The following DPY19L3 variants were observed in gnomAD, a reference collection of about 807,000 sequenced individuals.
DPY19L3 encodes dpy-19 like C-mannosyltransferase 3.
Under a neutral mutation model 92.3 loss-of-function variants are expected in DPY19L3, and 51 were observed. That is an observed-to-expected ratio of 0.55 (90% CI 0.44 to 0.70). DPY19L3 has a LOEUF of 0.70. Among genes scored for constraint, DPY19L3 ranks in the 30% least tolerant of loss-of-function variants. The pLI, the probability that DPY19L3 is intolerant of heterozygous loss-of-function variation, is 0.00. For missense variants in DPY19L3, 706 were observed against 855.9 expected (o/e 0.82, Z 2.18); for synonymous variants, 309 against 315.2 (o/e 0.98, Z 0.21).
chr19:32,408,175 G>A, intron 1 of DPY19L3, 42 bp from the exon 2 acceptor site: 2 of 987,456 alleles, frequency 2.0e-6, no homozygotes, highest in South Asian at 1.4e-5. Flanking sequence ...GGTGTGTTGG[G>A]GAGAAGGCAC....
chr19:32,473,578 A>G (rs1397042950), intron 16 of DPY19L3, among the ~76,000 whole-genome samples: 1 of 152,186 alleles, frequency 6.6e-6, no homozygotes, highest in Non-Finnish European at 1.5e-5. Flanking sequence ...GTATCTTTTT[A>G]AGTTTAGAAA....
chr19:32,419,690 T>C (rs1968499940), intron 3 of DPY19L3, among the ~76,000 whole-genome samples: 2 of 152,148 alleles, frequency 1.3e-5, no homozygotes. Context: ...CACCTGGGCC[T>C]CCCAAAGTTC....
Position 32,408,204 on chromosome 19 carries a change from T to A in DPY19L3, c.-37-13T>A. 1 of 1,377,322 alleles carries A rather than the reference T, an allele frequency of 7.3e-7. No homozygotes were observed. The highest frequency in any genetic ancestry group is 1.0e-6 in the Non-Finnish European group (1 of 973,810). The allele number at this position is 1,377,322 out of a possible 1,614,324, so 85.3% of individuals were successfully genotyped here. A position where few individuals can be genotyped will look rare whatever the true frequency, so the allele number is the denominator to read the frequency against. On this transcript the variant is annotated splice_polypyrimidine_tract_variant and intron_variant, in intron 1 of 18. Transcript: ENST00000392250. ...AAGGCACTGACGTTGATGGCCTGTT[T>A]ATTGCTATCTAGGAGTGATTTGGAG...
chr19:32,472,229 G>A, intron 16 of DPY19L3, among the ~76,000 whole-genome samples: 1 of 152,298 alleles, frequency 6.6e-6, no homozygotes, highest in African/African-American at 2.4e-5. Flanking sequence ...AGAGATTGAA[G>A]CTTCAGTATG....
chr19:32,423,422 G>GTTTTTTTTT (rs1599601418), intron 3 of DPY19L3, among the ~76,000 whole-genome samples: 7 of 48,486 alleles, frequency 1.4e-4, no homozygotes, highest in African/African-American at 4.6e-4. Context: ...TTTTTTTTTG[G>GTTTTTTTTT]TATTTTTAGT....
chr19:32,454,165 A>G (rs1279119413), intron 9 of DPY19L3, among the ~76,000 whole-genome samples: 1 of 152,232 alleles, frequency 6.6e-6, no homozygotes, highest in Non-Finnish European at 1.5e-5. Context: ...TAAAATTATC[A>G]AGATTATAAG....
At chr19:32,432,371 C>T (rs1162259410) in intron 3 of DPY19L3, among the ~76,000 whole-genome samples, 1 of 151,940 alleles carries the variant, frequency 6.6e-6, no homozygotes, top group Non-Finnish European at 1.5e-5. Context: ...ATATTGGTAG[C>T]TTTTAGGTAG....
At chr19:32,429,268 T>C (rs8101911) in intron 3 of DPY19L3, among the ~76,000 whole-genome samples, 5,552 of 152,346 alleles carry the variant, frequency 0.036, 369 homozygotes, top group Admixed American at 0.17. Context: ...AAATTGAATA[T>C]GAAGTATTTG....
chr19:32,471,532 AC>A (rs1970357633), intron 16 of DPY19L3, among the ~76,000 whole-genome samples: 1 of 152,098 alleles, frequency 6.6e-6, no homozygotes, highest in African/African-American at 2.4e-5. Flanking sequence ...GGCACCCCTT[AC>A]GTGACGTGTT....
chr19:32,427,307 T>C (rs567670978), intron 3 of DPY19L3, among the ~76,000 whole-genome samples: 5 of 152,352 alleles, frequency 3.3e-5, no homozygotes, highest in Admixed American at 2.0e-4. Flanking sequence ...TCTTCTTTCT[T>C]GTTGGAACAT....
At chr19:32,430,617 T>C (rs1345870377) in intron 3 of DPY19L3, among the ~76,000 whole-genome samples, 1 of 151,816 alleles carries the variant, frequency 6.6e-6, no homozygotes, top group Non-Finnish European at 1.5e-5. Flanking sequence ...TTCTTTCTTA[T>C]TTATTTATTT....
chr19:32,442,143 A>G lies in DPY19L3; in HGVS notation c.855+2233A>G, dbSNP rs143401853. Among the ~76,000 whole-genome samples, 623 of 152,264 alleles carry G rather than the reference A, an allele frequency of 4.1e-3. 7 individuals carry two copies. The highest frequency in any genetic ancestry group is 0.014 in the African/African-American group (578 of 41,548). ...GGGAAAGAGTCAGAATAATTGGTAT[A>G]GAAAAAGGTAATACAAATTCAGAGC... On this transcript the variant is annotated intron_variant, in intron 8 of 18. Transcript: ENST00000392250.
chr19:32,433,873 G>A (rs997624059), intron 4 of DPY19L3, among the ~76,000 whole-genome samples: 7 of 152,118 alleles, frequency 4.6e-5, no homozygotes, highest in Non-Finnish European at 1.0e-4. Context: ...CCAGCCCTTC[G>A]CTTAGTGGTT....
chr19:32,458,749 CTT>C (rs1969948183), intron 12 of DPY19L3, among the ~76,000 whole-genome samples: 1 of 152,178 alleles, frequency 6.6e-6, no homozygotes, highest in South Asian at 2.1e-4. Flanking sequence ...CAAAGTGACT[CTT>C]GAGCCAGTTA....
chr19:32,424,078 G>T (rs1968672841), intron 3 of DPY19L3, among the ~76,000 whole-genome samples: 1 of 150,902 alleles, frequency 6.6e-6, no homozygotes, highest in South Asian at 2.1e-4. Context: ...CACTCTGGAG[G>T]GCAAAAGGTG....
rs1020667765 is a variant in DPY19L3 at position 32,437,091 on chromosome 19, G to C, written c.451-103G>C. ...GGTGTGGGCTTGCTGCTTGGAATTA[G>C]AGGCAAGCTCCTGCATATTGTATTC... On this transcript the variant is annotated intron_variant, in intron 5 of 18. Coordinates refer to ENST00000392250, the MANE Select transcript of DPY19L3 (RefSeq NM_001172774.2). The C allele has an allele frequency of 1.8e-5, 25 of 1,409,818 alleles. No homozygotes were observed. In the South Asian group the frequency reaches 2.8e-4, roughly 16 times the overall value. The allele number at this position is 1,409,818 out of a possible 1,614,324, so 87.3% of individuals were successfully genotyped here. A position where few individuals can be genotyped will look rare whatever the true frequency, so the allele number is the denominator to read the frequency against.
At chr19:32,468,391 T>C (rs1970258527) in intron 15 of DPY19L3, 2 of 1,019,054 alleles carry the variant, frequency 2.0e-6, no homozygotes, top group Non-Finnish European at 2.4e-6. Flanking sequence ...AACTTTCTCA[T>C]GGTTGGCATT....
rs540219952 is a variant in DPY19L3 at position 32,416,000 on chromosome 19, A to G, written c.237+4628A>G. On this transcript the variant is annotated intron_variant, in intron 3 of 18. Transcript: ENST00000392250. ...AAGCTAAGATCTGCGAGAACATTCTAGGCAGAGGAAACAGCAAGCCAAAAG... is the reference window on the plus strand; with the variant it reads ...AAGCTAAGATCTGCGAGAACATTCTGGGCAGAGGAAACAGCAAGCCAAAAG... 2.6e-5 allele frequency among the ~76,000 whole-genome samples: 4 copies of G among 152,360 alleles called. No individual in the cohort carries two copies. In the South Asian group the frequency reaches 8.3e-4, roughly 32 times the overall value.
chr19:32,446,506 AAAGT>A (rs1363207189), intron 8 of DPY19L3, among the ~76,000 whole-genome samples: 8 of 152,220 alleles, frequency 5.3e-5, no homozygotes, highest in Non-Finnish European at 7.3e-5. Flanking sequence ...AGATAAATTG[AAAGT>A]AAGAGGATGG....
Sources: gnomAD v4.1 joint callset for allele counts (sites outside exome capture counted in the v4.1 genomes callset) on GRCh38, gnomAD v4.1.1 for gene constraint, MANE v1.5 for transcripts, NCBI Gene and HGNC (gene_info 2026-07-23, HGNC 2026-07-21) for gene names.